The following FOXP1 variants were observed in gnomAD, a reference collection of about 807,000 sequenced individuals.
FOXP1 encodes forkhead box protein P1.
In FOXP1, 15 loss-of-function variants were observed where a neutral mutation model predicts 98.2. The ratio of observed to expected loss-of-function variants is 0.15; its 90% CI spans 0.10 to 0.24. The LOEUF is 0.24. FOXP1 is among the 10% of genes least tolerant of loss of function. The probability of loss-of-function intolerance (pLI) is 1.00; values close to 1 mark genes in which losing one functional copy is unlikely to be tolerated. For synonymous variants in FOXP1, 371 were observed against 314.5 expected (o/e 1.18, Z -1.90); for missense variants, 633 against 848.5 (o/e 0.75, Z 3.15).
chr3:71,331,055 C>T (rs931014564), intron 4 of FOXP1, among the ~76,000 whole-genome samples: 2 of 152,216 alleles, frequency 1.3e-5, no homozygotes, highest in African/African-American at 2.4e-5. Context: ...CCCTTCAGCC[C>T]GCCGCTGCAC....
At chr3:71,276,156 G>A (rs1196488550) in intron 5 of FOXP1, 1 of 152,144 alleles carries the variant, frequency 6.6e-6, no homozygotes, top group South Asian at 2.1e-4. Context: ...GAGAAAGTAT[G>A]GAGTAGTGAC....
At chr3:71,444,858 T>C (rs902249093) in intron 3 of FOXP1, among the ~76,000 whole-genome samples, 17 of 152,118 alleles carry the variant, frequency 1.1e-4, no homozygotes. Flanking sequence ...CTGCTGTGAC[T>C]TAACCCAAGG....
chr3:71,498,323 A>G (rs2091552659), intron 2 of FOXP1, among the ~76,000 whole-genome samples: 1 of 152,202 alleles, frequency 6.6e-6, no homozygotes, highest in African/African-American at 2.4e-5. Context: ...AAAAGTCTGC[A>G]GGGAGCTAGA....
intron 2 of FOXP1, 40 bp downstream of exon 2, chr3:71,581,509 G>A (rs2048168945): frequency 3.0e-6 from 3 of 985,422 alleles, no homozygotes; most frequent in Non-Finnish European, 3.6e-6. Context: ...GGGGCTCTCC[G>A]GTGTCCCTGG....
chr3:71,005,457 T>C (rs1268927480), intron 12 of FOXP1, among the ~76,000 whole-genome samples: 1 of 151,808 alleles, frequency 6.6e-6, no homozygotes, highest in African/African-American at 2.4e-5. Context: ...TTATCTGTAA[T>C]AGGCAGAATT....
At chr3:71,386,490 C>T (rs759159685) in intron 3 of FOXP1, among the ~76,000 whole-genome samples, 15 of 152,162 alleles carry the variant, frequency 9.9e-5, no homozygotes, top group Non-Finnish European at 2.2e-4. Flanking sequence ...TGCCTGTAAT[C>T]CCATTACTTT....
In FOXP1 at chr3:70,958,993, C is replaced by G. The variant is rs2032541275; in HGVS notation, c.*254G>C. ...GTTGACGGTTAAGAGAGGAAAATCC[C>G]AAGTACCAAACAAGTCCATCCAATG... On this transcript the variant is annotated 3_prime_UTR_variant, in exon 21 of 21. Coordinates refer to ENST00000649528, the MANE Select transcript of FOXP1 (RefSeq NM_001349338.3). 2.1e-6 allele frequency: 1 copy of G among 471,696 alleles called. No homozygotes were observed. The highest frequency in any genetic ancestry group is 3.4e-5 in the Admixed American group (1 of 29,440). 29.2% of individuals were successfully genotyped at this position (471,696 alleles called of 1,614,324 possible). A position where few individuals can be genotyped will look rare whatever the true frequency, so the allele number is the denominator to read the frequency against.
intron 7 of FOXP1, among the ~76,000 whole-genome samples, chr3:71,105,762 A>ACACACACAGAGACACACACGCACAGG (rs1302482677): frequency 6.6e-6 from 1 of 152,118 alleles, no homozygotes; most frequent in Admixed American, 6.6e-5. Flanking sequence ...ACACACACAG[A>ACACACACAGAGACACACACGCACAGG]CACACACAGA....
intron 20 of FOXP1, 152 bp from the exon 21 acceptor site, chr3:70,959,543 T>G (rs2032713382): frequency 4.9e-6 from 4 of 808,520 alleles, no homozygotes; most frequent in Non-Finnish European, 8.1e-6. Context: ...CTCTTTAAAT[T>G]GAAATGAACG....
intron 2 of FOXP1, among the ~76,000 whole-genome samples, chr3:71,566,072 G>A (rs1479189161): frequency 6.6e-6 from 1 of 152,158 alleles, no homozygotes; most frequent in Non-Finnish European, 1.5e-5. Context: ...ACAGGTATAT[G>A]AACATCCACA....
At chr3:71,444,672 C>T (rs534592701) in intron 3 of FOXP1, among the ~76,000 whole-genome samples, 1 of 152,328 alleles carries the variant, frequency 6.6e-6, no homozygotes, top group East Asian at 1.9e-4. Flanking sequence ...TCCTGGACCC[C>T]ACTTTTTCCT....
intron 2 of FOXP1, among the ~76,000 whole-genome samples, chr3:71,557,736 A>C (rs2046243151): frequency 6.6e-6 from 1 of 152,248 alleles, no homozygotes; most frequent in Non-Finnish European, 1.5e-5. Flanking sequence ...TCTACCTTAC[A>C]TGCCACATTA....
intron 5 of FOXP1, among the ~76,000 whole-genome samples, chr3:71,294,740 G>A (rs1560258661): frequency 6.6e-6 from 1 of 152,148 alleles, no homozygotes; most frequent in Admixed American, 6.5e-5. Flanking sequence ...GGCCACCTAG[G>A]TAGAGACACT....
intron 7 of FOXP1, among the ~76,000 whole-genome samples, chr3:71,072,370 A>G (rs150619164): frequency 6.6e-6 from 1 of 152,336 alleles, no homozygotes; most frequent in African/African-American, 2.4e-5. Context: ...AGAAATATGG[A>G]TTAAAATTAT....
intron 13 of FOXP1, 35 bp downstream of exon 13, chr3:71,000,937 A>T: frequency 7.2e-7 from 1 of 1,382,946 alleles, no homozygotes. Context: ...TTTGAGGCAT[A>T]CTGAGGTTAA....
At chr3:71,372,284 C>T (rs1018812273) in intron 3 of FOXP1, among the ~76,000 whole-genome samples, 2 of 151,634 alleles carry the variant, frequency 1.3e-5, no homozygotes, top group Non-Finnish European at 2.9e-5. Context: ...AGCCTGCCAA[C>T]GTGCTGAGAT....
At chr3:70,999,413 T>C (rs1022348312) in intron 13 of FOXP1, among the ~76,000 whole-genome samples, 4 of 152,228 alleles carry the variant, frequency 2.6e-5, no homozygotes, top group African/African-American at 9.6e-5. Context: ...TCAAGGGCTG[T>C]GTCTTAATCA....
chr3:71,164,490 C>T (rs776332078), intron 6 of FOXP1, among the ~76,000 whole-genome samples: 2 of 152,188 alleles, frequency 1.3e-5, no homozygotes, highest in Non-Finnish European at 2.9e-5. Context: ...TGAGGCACAG[C>T]GCCCGGTCCC....
At chr3:71,250,900 C>T (rs1319717030) in intron 5 of FOXP1, among the ~76,000 whole-genome samples, 1 of 151,918 alleles carries the variant, frequency 6.6e-6, no homozygotes, top group African/African-American at 2.4e-5. Flanking sequence ...CACTGCACTC[C>T]AGCTTGGGTG....
Sources: allele counts gnomAD v4.1 joint callset (sites outside exome capture counted in the v4.1 genomes callset), GRCh38; gene constraint gnomAD v4.1.1; transcripts MANE v1.5; gene names NCBI Gene and HGNC (gene_info 2026-07-23, HGNC 2026-07-21).